Variants in SIL1 observed in about 807,000 individuals in gnomAD.
The protein encoded by SIL1 is nucleotide exchange factor SIL1.
A neutral mutation model predicts 49.1 loss-of-function variants in SIL1; 40 were observed. The observed-to-expected ratio is 0.81, with a 90% CI of 0.63 to 1.06. The LOEUF (loss-of-function observed/expected upper bound fraction) is 1.06. Among genes scored for constraint, SIL1 ranks in the 50% least tolerant of loss-of-function variants. SIL1 has a pLI of 0.00. For synonymous variants in SIL1, 253 were observed against 250.8 expected (o/e 1.01, Z -0.08); for missense variants, 500 against 572.6 (o/e 0.87, Z 1.29).
intron 1 of SIL1, chr5:139,155,477 G>GAGAGAGAGAGAGAGAGAGAGA (rs765537884): frequency 4.6e-5 from 7 of 151,552 alleles, no homozygotes; most frequent in Middle Eastern, 3.2e-3. Flanking sequence ...GAGAGAGAGA[G>GAGAGAGAGAGAGAGAGAGAGA]AACGAGCTCT....
At chr5:139,196,208 A>T (rs1309042715) in intron 1 of SIL1, among the ~76,000 whole-genome samples, 1 of 152,090 alleles carries the variant, frequency 6.6e-6, no homozygotes, top group Non-Finnish European at 1.5e-5. Context: ...TAATAATAAT[A>T]ATACAGTATG....
intron 3 of SIL1, among the ~76,000 whole-genome samples, chr5:139,109,249 C>G (rs1277226713): frequency 6.6e-6 from 1 of 152,194 alleles, no homozygotes; most frequent in African/African-American, 2.4e-5. Context: ...CTTTAGGGAA[C>G]AATTCCTCCA....
intron 7 of SIL1, among the ~76,000 whole-genome samples, chr5:138,987,605 G>C (rs184975189): frequency 2.0e-4 from 31 of 152,254 alleles, no homozygotes; most frequent in Middle Eastern, 3.4e-3. Flanking sequence ...CATGATATAT[G>C]GCTTTTGTAT....
intron 7 of SIL1, among the ~76,000 whole-genome samples, chr5:138,965,434 G>A (rs999988472): frequency 1.3e-5 from 2 of 152,094 alleles, no homozygotes; most frequent in African/African-American, 4.8e-5. Context: ...TGGGTTGGGA[G>A]GACCCTGTAT....
rs140298736 is a variant in SIL1, at chr5:139,054,960, C to G, written c.245-3914G>C. The stretch of plus-strand genomic sequence containing the variant: ...AGTTAGAAAGATAGTATAATCTGAC[C>G]TGTATCCTTCGAGAGCCCCTGTGAC... On this transcript the variant is annotated intron_variant, in intron 3 of 9. Coordinates refer to ENST00000394817, the MANE Select transcript of SIL1 (RefSeq NM_022464.5). 2.8e-3 allele frequency among the ~76,000 whole-genome samples: 421 copies of G among 152,292 alleles called. 2 individuals are homozygous for G. The highest frequency in any genetic ancestry group is 3.4e-3 in the Non-Finnish European group (228 of 68,028).
At chr5:139,049,151 A>T (rs1769233674) in intron 4 of SIL1, among the ~76,000 whole-genome samples, 1 of 152,160 alleles carries the variant, frequency 6.6e-6, no homozygotes, top group Non-Finnish European at 1.5e-5. Flanking sequence ...TTCTGATTAC[A>T]TCTAACTGCA....
At chr5:139,089,606 T>C (rs936249887) in intron 3 of SIL1, among the ~76,000 whole-genome samples, 8 of 152,218 alleles carry the variant, frequency 5.3e-5, no homozygotes, top group African/African-American at 1.9e-4. Flanking sequence ...CATACAATGA[T>C]ACATTATTCA....
intron 1 of SIL1, among the ~76,000 whole-genome samples, chr5:139,135,441 A>T (rs1367171775): frequency 6.6e-6 from 1 of 152,218 alleles, no homozygotes; most frequent in Non-Finnish European, 1.5e-5. Context: ...GAGAGCTACA[A>T]AATCCACCGT....
rs113520229 is a variant in SIL1, at chr5:139,166,238, T to C, written c.-11+32031A>G. On this transcript the variant is annotated intron_variant, in intron 1 of 9. Coordinates refer to ENST00000394817, the MANE Select transcript of SIL1 (RefSeq NM_022464.5). ...AAATCAGAGTCATGTGCTGCACATT[T>C]CAGTCAACAACAGACCACTTATACG... is the stretch of plus-strand genomic sequence containing the variant. Among the ~76,000 whole-genome samples, 637 of 152,340 alleles carry C rather than the reference T, an allele frequency of 4.2e-3. 7 individuals are homozygous for C. The highest frequency in any genetic ancestry group is 0.014 in the Middle Eastern group (4 of 294).
At chr5:139,171,874 G>C (rs1751779169) in intron 1 of SIL1, among the ~76,000 whole-genome samples, 1 of 151,930 alleles carries the variant, frequency 6.6e-6, no homozygotes, top group Non-Finnish European at 1.5e-5. Context: ...AGAAAACAAT[G>C]TTTGGAAAAA....
intron 3 of SIL1, among the ~76,000 whole-genome samples, chr5:139,056,359 C>A (rs1342689912): frequency 6.6e-6 from 1 of 151,496 alleles, no homozygotes; most frequent in Non-Finnish European, 1.5e-5. Flanking sequence ...TCTGCCCGGC[C>A]AACCCGTCTG....
chr5:139,192,238 A>G (rs896035980), intron 1 of SIL1, among the ~76,000 whole-genome samples: 7 of 151,882 alleles, frequency 4.6e-5, no homozygotes, highest in African/African-American at 1.7e-4. Flanking sequence ...AAAAAAAAAA[A>G]AGTCCATTGG....
At chr5:138,979,808 G>A (rs1272595549) in intron 7 of SIL1, among the ~76,000 whole-genome samples, 1 of 152,234 alleles carries the variant, frequency 6.6e-6, no homozygotes, top group South Asian at 2.1e-4. Flanking sequence ...TAGAGGAGCT[G>A]TAAAGAGTGA....
At chr5:139,175,913 C>T (rs781586370) in intron 1 of SIL1, among the ~76,000 whole-genome samples, 4 of 152,018 alleles carry the variant, frequency 2.6e-5, no homozygotes, top group Non-Finnish European at 5.9e-5. Flanking sequence ...CAGTGAGCCA[C>T]GATCTTGCCA....
At chr5:139,170,766 G>A (rs536632915) in intron 1 of SIL1, among the ~76,000 whole-genome samples, 20 of 151,416 alleles carry the variant, frequency 1.3e-4, no homozygotes, top group East Asian at 4.0e-4. Context: ...CACCCCGTCC[G>A]GAAGGGAGGT....
In SIL1 at chr5:138,951,225, C is replaced by T. The variant is rs1187845475; in HGVS notation, c.975G>A (p.Thr325=). Residue 325 remains threonine (T), a synonymous_variant, in exon 9 of 10, where the codon ACG becomes ACA. Transcript: ENST00000394817. ...VLRTLVQEKG[T]EVLAVRVVTL... ...TGACCACGCGCACGGCGAGCACCTC[C>T]GTGCCCTTCTCCTGCACCAGGGTCC... The T allele has an allele frequency of 4.4e-6, 7 of 1,607,478 alleles. No individual in the cohort carries two copies. The highest frequency in any genetic ancestry group is 5.9e-6 in the Non-Finnish European group (7 of 1,176,916).
chr5:139,003,088 G>C (rs561276670), intron 7 of SIL1, among the ~76,000 whole-genome samples: 1 of 152,156 alleles, frequency 6.6e-6, no homozygotes, highest in East Asian at 1.9e-4. Context: ...AAGGCCCTTC[G>C]TCACATGGAA....
chr5:139,171,204 C>T (rs1751756401), intron 1 of SIL1, among the ~76,000 whole-genome samples: 1 of 152,224 alleles, frequency 6.6e-6, no homozygotes, highest in South Asian at 2.1e-4. Context: ...GAGGTGTACC[C>T]AACAGCTCAT....
intron 1 of SIL1, among the ~76,000 whole-genome samples, chr5:139,180,380 T>C (rs1751961209): frequency 1.9e-4 from 7 of 37,730 alleles, no homozygotes; most frequent in African/African-American, 2.6e-4. Flanking sequence ...AAACTCCATC[T>C]CAAAAAAAAA....
Sources: allele counts gnomAD v4.1 joint callset (sites outside exome capture counted in the v4.1 genomes callset), GRCh38; gene constraint gnomAD v4.1.1; transcripts MANE v1.5; gene names NCBI Gene and HGNC (gene_info 2026-07-23, HGNC 2026-07-21).